TNS3: variants seen among roughly 807,000 people sequenced by gnomAD.
TNS3 encodes tensin 3.
A neutral mutation model predicts 140.9 loss-of-function variants in TNS3; 45 were observed. The observed-to-expected ratio is 0.32, with a 90% CI of 0.25 to 0.41. The LOEUF (loss-of-function observed/expected upper bound fraction) is 0.41, where lower values mean the gene tolerates loss of function less well. TNS3 is among the 10% of genes least tolerant of loss of function. The pLI is 1.00. For missense variants in TNS3, 1,716 were observed against 1,906.7 expected, an observed-to-expected ratio of 0.90 and a Z score of 1.86; for synonymous variants, 815 against 788.4, an observed-to-expected ratio of 1.03 and a Z score of -0.56.
At chr7:47,349,179 A>G (rs1164904794) in intron 17 of TNS3, among the ~76,000 whole-genome samples, 1 of 152,220 alleles carries the variant, frequency 6.6e-6, no homozygotes. Flanking sequence ...ATTACAACGA[A>G]AAACAATGTT....
intron 1 of TNS3, among the ~76,000 whole-genome samples, chr7:47,557,545 C>A (rs1800227019): frequency 6.6e-6 from 1 of 152,190 alleles, no homozygotes; most frequent in Non-Finnish European, 1.5e-5. Flanking sequence ...TAAGTAACAA[C>A]CAGGTAAAGC....
chr7:47,567,640 T>C (rs1223820923), intron 1 of TNS3, among the ~76,000 whole-genome samples: 1 of 139,374 alleles, frequency 7.2e-6, no homozygotes, highest in East Asian at 2.1e-4. Flanking sequence ...GCAGAGATCA[T>C]GCCACTGCAC....
intron 20 of TNS3, among the ~76,000 whole-genome samples, chr7:47,316,090 C>G (rs1236395597): frequency 9.8e-6 from 1 of 101,628 alleles, no homozygotes; most frequent in Non-Finnish European, 2.0e-5. Flanking sequence ...ACCTAACTAA[C>G]TATTTCTCTC....
chr7:47,574,943 T>C (rs1800643080), intron 1 of TNS3, among the ~76,000 whole-genome samples: 2 of 152,082 alleles, frequency 1.3e-5, no homozygotes, highest in South Asian at 2.1e-4. Context: ...AGGGTGGTGA[T>C]GGCTGCACAA....
intron 9 of TNS3, 98 bp downstream of exon 9, chr7:47,428,214 C>T: frequency 1.2e-6 from 1 of 867,286 alleles, no homozygotes; most frequent in Non-Finnish European, 1.6e-6. Context: ...TCAGCCGAGC[C>T]CTTGGTATCC....
intron 4 of TNS3, among the ~76,000 whole-genome samples, chr7:47,466,969 G>A (rs1796743942): frequency 6.6e-6 from 1 of 152,156 alleles, no homozygotes; most frequent in African/African-American, 2.4e-5. Context: ...TCCCCCAAAG[G>A]TAACTAGGGA....
At chr7:47,514,360 G>A (rs554412291) in intron 2 of TNS3, among the ~76,000 whole-genome samples, 28 of 152,268 alleles carry the variant, frequency 1.8e-4, no homozygotes, top group Non-Finnish European at 4.4e-5. Flanking sequence ...CGACCTGCCC[G>A]TCTATCTCCA....
At chr7:47,544,611 G>A (rs953236119) in intron 1 of TNS3, among the ~76,000 whole-genome samples, 45 of 152,030 alleles carry the variant, frequency 3.0e-4, no homozygotes, top group African/African-American at 1.0e-3. Context: ...CCTTGATCTT[G>A]GACTTCCAGC....
chr7:47,575,715 T>C (rs1428598829), intron 1 of TNS3, among the ~76,000 whole-genome samples: 2 of 149,034 alleles, frequency 1.3e-5, no homozygotes, highest in Middle Eastern at 7.0e-3. Context: ...CCCAGCTACT[T>C]GGGAGGCTGA....
intron 2 of TNS3, among the ~76,000 whole-genome samples, chr7:47,527,923 AG>A (rs1186604829): frequency 2.0e-5 from 3 of 151,898 alleles, no homozygotes; most frequent in Admixed American, 6.6e-5. Context: ...AAAAAAAAAA[AG>A]TTTTGAATCA....
intron 20 of TNS3, among the ~76,000 whole-genome samples, chr7:47,334,060 A>G (rs1271380653): frequency 6.6e-6 from 1 of 152,176 alleles, no homozygotes; most frequent in African/African-American, 2.4e-5. Context: ...GGCAAACATC[A>G]TGACCCTTTG....
chr7:47,539,173 A>G (rs2151961807), intron 1 of TNS3: 2 of 456,124 alleles, frequency 4.4e-6, no homozygotes. Flanking sequence ...ACCAGGATTC[A>G]TACTCTCTGG....
chr7:47,320,076 A>T (rs994097707), intron 20 of TNS3, among the ~76,000 whole-genome samples: 7 of 152,202 alleles, frequency 4.6e-5, no homozygotes, highest in African/African-American at 1.4e-4. Context: ...CTCAGAATGC[A>T]TTTTATCTTT....
At chr7:47,505,631 C>T (rs1488649444) in intron 3 of TNS3, among the ~76,000 whole-genome samples, 11 of 152,200 alleles carry the variant, frequency 7.2e-5, no homozygotes, top group Non-Finnish European at 1.0e-4. Flanking sequence ...TGCTCCTGCA[C>T]GTGCTCGGCA....
Position 47,368,512 on chromosome 7 carries a change from TG to T in TNS3, c.2133del (p.Thr712ProfsTer9). ...QLNRLILELDPTFEPIPTHMN... is the reference protein window; with the variant it reads ...QLNRLILELDXTFEPIPTHMN... ...ATGTGGGTAGGGATGGGCTCGAAGG[TG>T]GGATCCAGCTCCAGGATCAGCCTGT... is the stretch of plus-strand genomic sequence containing the variant. On this transcript the variant is annotated frameshift_variant, in exon 17 of 31. Coordinates refer to ENST00000311160, the MANE Select transcript of TNS3 (RefSeq NM_022748.12). LOFTEE classifies it high-confidence loss of function. 6.3e-7 allele frequency: 1 copy of T among 1,591,996 alleles called. No individual in the cohort carries two copies. The highest frequency in any genetic ancestry group is 1.1e-5 in the South Asian group (1 of 89,410).
chr7:47,465,309 G>T (rs1458536753), intron 4 of TNS3, among the ~76,000 whole-genome samples: 2 of 152,212 alleles, frequency 1.3e-5, no homozygotes, highest in African/African-American at 2.4e-5. Flanking sequence ...TGTGGGAAAA[G>T]TCTTAAGCCA....
chr7:47,513,979 A>G (rs1408691047), intron 2 of TNS3, among the ~76,000 whole-genome samples: 2 of 152,266 alleles, frequency 1.3e-5, no homozygotes, highest in Non-Finnish European at 2.9e-5. Context: ...TTGTCTTGGA[A>G]CTGCTATTCT....
At chr7:47,339,764 T>TAG (rs1788842162) in intron 20 of TNS3, among the ~76,000 whole-genome samples, 1 of 152,048 alleles carries the variant, frequency 6.6e-6, no homozygotes, top group African/African-American at 2.4e-5. Flanking sequence ...TAAAACTGTC[T>TAG]GTCAATCTGG....
chr7:47,483,365 T>C (rs899795238), intron 3 of TNS3, among the ~76,000 whole-genome samples: 2 of 152,040 alleles, frequency 1.3e-5, no homozygotes, highest in African/African-American at 4.8e-5. Flanking sequence ...GAGATGGGGT[T>C]TCACTGTGTG....
Sources: allele counts gnomAD v4.1 joint callset (sites outside exome capture counted in the v4.1 genomes callset), GRCh38; gene constraint gnomAD v4.1.1; transcripts MANE v1.5; gene names NCBI Gene and HGNC (gene_info 2026-07-23, HGNC 2026-07-21).